ATP2A3: variants seen among roughly 807,000 people sequenced by gnomAD.
The protein encoded by ATP2A3 is sarcoplasmic/endoplasmic reticulum calcium ATPase 3.
A neutral mutation model predicts 106.8 loss-of-function variants in ATP2A3; 61 were observed. The observed-to-expected ratio is 0.57, with a 90% CI of 0.46 to 0.71. The LOEUF (loss-of-function observed/expected upper bound fraction) is 0.71, where lower values mean the gene tolerates loss of function less well. ATP2A3 is among the 30% of genes least tolerant of loss of function. The pLI, the probability that ATP2A3 is intolerant of heterozygous loss-of-function variation, is 0.00. For synonymous variants in ATP2A3, 611 were observed against 609.3 expected, an observed-to-expected ratio of 1.00 and a Z score of -0.04; for missense variants, 1,201 against 1,423.5, an observed-to-expected ratio of 0.84 and a Z score of 2.52.
At chr17:3,957,851 G>T (rs1325216213) in intron 1 of ATP2A3, among the ~76,000 whole-genome samples, 1 of 152,212 alleles carries the variant, frequency 6.6e-6, no homozygotes, top group Non-Finnish European at 1.5e-5. Context: ...AGTGCCATCC[G>T]CTGGGCTGCA....
In ATP2A3 at chr17:3,924,336, T is replaced by C. The variant is rs899638473; in HGVS notation, c.*1086A>G. ...GAGGCCATCTTCCTCTCATCTGATA[T>C]GACGTGTTCCTCCAGCAGGGAGGGA... On this transcript the variant is annotated 3_prime_UTR_variant, in exon 21 of 21. Coordinates refer to ENST00000397041, the MANE Select transcript of ATP2A3 (RefSeq NM_005173.4). This position sits in a 1 kb window ranked among gnomAD's most constrained non-coding sequence, Gnocchi z 6.4. 8 of 168,338 alleles carry C rather than the reference T, an allele frequency of 4.8e-5. No homozygotes were observed. Among genetic ancestry groups the C allele is most frequent in the African/African-American group, 7.2e-5 (3 of 41,726 alleles). The allele number at this position is 168,338 out of a possible 1,614,324, so 10.4% of individuals were successfully genotyped here.
Position 3,964,181 on chromosome 17 carries a change from G to T in ATP2A3, c.111C>A (p.Gly37=). Residue 37 remains glycine, a synonymous_variant, in exon 1 of 21, where the codon GGC becomes GGA. Transcript: ENST00000397041. ...CCCGGCCCGCGCGCTCACCGTTGGG[G>T]CCGTAGCGCTCCCGCGCGCCGGTCA... ...AQVTGARERY[G]PNELPSEEGK... is the part of the protein sequence containing the mutation. 1 of 1,230,352 alleles carries T rather than the reference G, an allele frequency of 8.1e-7. No individual in the cohort carries two copies. Among genetic ancestry groups the T allele is most frequent in the South Asian group, 2.1e-5 (1 of 48,476 alleles). The allele number at this position is 1,230,352 out of a possible 1,614,324, so 76.2% of individuals were successfully genotyped here. A position where few individuals can be genotyped will look rare whatever the true frequency, so the allele number is the denominator to read the frequency against.
chr17:3,945,204 C>T, intron 8 of ATP2A3, 56 bp from the exon 9 acceptor site: 1 of 1,506,750 alleles, frequency 6.6e-7, no homozygotes, highest in South Asian at 1.2e-5. Context: ...CCTCCCCGGG[C>T]GGCCAGTCGA....
Position 3,928,470 on chromosome 17 carries a change from G to T in ATP2A3, c.2980+193C>A. 1 of 990,656 alleles carries T rather than the reference G, an allele frequency of 1.0e-6. No homozygotes were observed. Among genetic ancestry groups the T allele is most frequent in the Non-Finnish European group, 1.5e-6 (1 of 646,876 alleles). The allele number at this position is 990,656 out of a possible 1,614,324, so 61.4% of individuals were successfully genotyped here. A position where few individuals can be genotyped will look rare whatever the true frequency, so the allele number is the denominator to read the frequency against. ...GCCCAGTGAGCCCAGGTCCCCTGCA[G>T]TGCAAGACCCTGCGGACACCTTGGG... On this transcript the variant is annotated intron_variant, in intron 20 of 20. Coordinates refer to ENST00000397041, the MANE Select transcript of ATP2A3 (RefSeq NM_005173.4). This position sits in a 1 kb window ranked among gnomAD's most constrained non-coding sequence, Gnocchi z 6.1.
chr17:3,958,701 C>CAT (rs147879049), intron 1 of ATP2A3, among the ~76,000 whole-genome samples: 10,266 of 122,592 alleles, frequency 0.084, 1,053 homozygotes, highest in Middle Eastern at 0.13. Context: ...CCTCCTCATT[C>CAT]ATATATATAT....
intron 4 of ATP2A3, 36 bp downstream of exon 4, chr17:3,951,545 C>A (rs956985221): frequency 5.9e-6 from 8 of 1,351,060 alleles, no homozygotes; most frequent in South Asian, 1.3e-5. Flanking sequence ...GCTGGGAGAC[C>A]GCCCCCCGCC....
At chr17:3,958,345 C>T (rs1344762253) in intron 1 of ATP2A3, among the ~76,000 whole-genome samples, 3 of 152,162 alleles carry the variant, frequency 2.0e-5, no homozygotes, top group East Asian at 1.9e-4. Flanking sequence ...TTAAGCGCAG[C>T]GTCTCCAGCA....
Position 3,958,759 on chromosome 17 carries a change from C to G in ATP2A3, c.119-5049G>C, listed in dbSNP as rs139417564. On this transcript the variant is annotated intron_variant, in intron 1 of 20. Coordinates refer to ENST00000397041, the MANE Select transcript of ATP2A3 (RefSeq NM_005173.4). The stretch of plus-strand genomic sequence containing the variant: ...ATATATATAGACACACATATATATA[C>G]ACACACATATATATACACACACATA... Among the ~76,000 whole-genome samples, 205 of 95,878 alleles carry G rather than the reference C, an allele frequency of 2.1e-3. 18 individuals are homozygous for G. Among genetic ancestry groups the G allele is most frequent in the African/African-American group, 6.0e-3 (146 of 24,316 alleles). 62.9% of individuals were successfully genotyped at this position (95,878 alleles called of 152,430 possible). A position where few individuals can be genotyped will look rare whatever the true frequency, so the allele number is the denominator to read the frequency against.
chr17:3,954,830 AC>A (rs1230609211), intron 1 of ATP2A3, among the ~76,000 whole-genome samples: 1 of 152,016 alleles, frequency 6.6e-6, no homozygotes, highest in Non-Finnish European at 1.5e-5. Flanking sequence ...TTCCCGAAGC[AC>A]CTTTTGTATC....
chr17:3,928,366 C>G lies in ATP2A3; in HGVS notation c.2980+297G>C. Reference sequence around the variant, plus strand: ...GGTCAGAGGCTGAGGCCCAGAAGAGCACACAGTGCCCTGGCCATGTAGGGG... The same window carrying G: ...GGTCAGAGGCTGAGGCCCAGAAGAGGACACAGTGCCCTGGCCATGTAGGGG... On this transcript the variant is annotated intron_variant, in intron 20 of 20. Coordinates refer to ENST00000397041, the MANE Select transcript of ATP2A3 (RefSeq NM_005173.4). The surrounding 1 kb of genome is among the most constrained non-coding windows in gnomAD (Gnocchi z 6.1). The G allele has an allele frequency of 6.3e-7, 1 of 1,578,656 alleles. No homozygotes were observed. The highest frequency in any genetic ancestry group is 1.3e-5 in the African/African-American group (1 of 74,236).
Position 3,947,839 on chromosome 17 carries a change from G to A in ATP2A3, c.647C>T (p.Ser216Leu), listed in dbSNP as rs773191587. Residue 216 changes from serine (S) to leucine (L), a missense_variant, in exon 8 of 21, where the codon TCG becomes TTG. Ser to Leu is a moderately radical substitution (Grantham distance 145). Coordinates refer to ENST00000397041, the MANE Select transcript of ATP2A3 (RefSeq NM_005173.4). The surrounding 1 kb of genome is among the most constrained non-coding windows in gnomAD (Gnocchi z 7.7). ...NMLFSGTNIT[S>L]GKAVGVAVAT... is the part of the protein sequence containing the mutation. Reference sequence around the variant, plus strand: ...CACGGCCACACCCACCGCTTTGCCCGATGTGATATTGGTGCCCTGGCCAGG... The same window carrying A: ...CACGGCCACACCCACCGCTTTGCCCAATGTGATATTGGTGCCCTGGCCAGG... The A allele has an allele frequency of 6.3e-6, 10 of 1,598,634 alleles. No individual in the cohort carries two copies. Among genetic ancestry groups the A allele is most frequent in the East Asian group, 4.5e-5 (2 of 44,892 alleles).
chr17:3,926,731 A>C lies in ATP2A3; in HGVS notation c.2981-1290T>G. 2.3e-6 allele frequency: 1 copy of C among 439,470 alleles called. No homozygotes were observed. Among genetic ancestry groups the C allele is most frequent in the Non-Finnish European group, 3.0e-6 (1 of 331,122 alleles). The allele number at this position is 439,470 out of a possible 1,614,324, so 27.2% of individuals were successfully genotyped here. On this transcript the variant is annotated intron_variant, in intron 20 of 20. Transcript: ENST00000397041. The surrounding 1 kb of genome is among the most constrained non-coding windows in gnomAD (Gnocchi z 4.6). ...ATTATAGGCACCTGCCACCACGCCC[A>C]GCTAATTTTTGTATCTTTAGTAGAG...
intron 14 of ATP2A3, among the ~76,000 whole-genome samples, chr17:3,940,349 G>A (rs1486464997): frequency 6.6e-6 from 1 of 152,084 alleles, no homozygotes; most frequent in South Asian, 2.1e-4. Context: ...GAAGTATGCC[G>A]ATGTCTGCAA....
Position 3,928,702 on chromosome 17 carries a change from C to A in ATP2A3, c.2941G>T (p.Asp981Tyr), listed in dbSNP as rs1294545566. Reference protein sequence around the residue: ...LQISLPVILLDEALKYLSRNH... With the variant: ...LQISLPVILLYEALKYLSRNH... ...CGGGACAGGTACTTGAGGGCCTCAT[C>A]CAGCAGGATGACAGGCAGAGATATC... is the stretch of plus-strand genomic sequence containing the variant. Residue 981 changes from aspartate (D) to tyrosine (Y), a missense_variant, in exon 20 of 21, where the codon GAT becomes TAT. This residue lies in a region of ATP2A3 where 935 missense variants were observed against 1,176.7 expected (regional missense o/e 0.79). Transcript: ENST00000397041. This position sits in a 1 kb window ranked among gnomAD's most constrained non-coding sequence, Gnocchi z 6.1. 6.4e-7 allele frequency: 1 copy of A among 1,551,300 alleles called. No homozygotes were observed. Among genetic ancestry groups the A allele is most frequent in the Non-Finnish European group, 8.7e-7 (1 of 1,147,154 alleles).
At position 3,953,214 on chromosome 17, in the gene ATP2A3, C is replaced by T. The variant is rs1475303633; in HGVS notation, c.219+133G>A. 5.8e-6 allele frequency: 6 copies of T among 1,028,262 alleles called. No homozygotes were observed. Among genetic ancestry groups the T allele is most frequent in the African/African-American group, 3.2e-5 (2 of 63,392 alleles). The allele number at this position is 1,028,262 out of a possible 1,614,324, so 63.7% of individuals were successfully genotyped here. Reference sequence around the variant, plus strand: ...AAGCTGAAGTCTGAGCAGGGCAGGGCCAGGGAAGGCCAGGGCGCAGGCCCA... The same window carrying T: ...AAGCTGAAGTCTGAGCAGGGCAGGGTCAGGGAAGGCCAGGGCGCAGGCCCA... On this transcript the variant is annotated intron_variant, in intron 3 of 20. Coordinates refer to ENST00000397041, the MANE Select transcript of ATP2A3 (RefSeq NM_005173.4). The surrounding 1 kb of genome is among the most constrained non-coding windows in gnomAD (Gnocchi z 5.1).
Position 3,928,446 on chromosome 17 carries a change from C to T in ATP2A3, c.2980+217G>A. On this transcript the variant is annotated intron_variant, in intron 20 of 20. Transcript: ENST00000397041. This position sits in a 1 kb window ranked among gnomAD's most constrained non-coding sequence, Gnocchi z 6.1. ...GCCCAAGAGGTGCTCCCGTTGCTGG[C>T]CCAGTGAGCCCAGGTCCCCTGCAGT... 9.3e-7 allele frequency: 1 copy of T among 1,077,546 alleles called. No homozygotes were observed. The highest frequency in any genetic ancestry group is 1.4e-6 in the Non-Finnish European group (1 of 724,600). 66.7% of individuals were successfully genotyped at this position (1,077,546 alleles called of 1,614,324 possible). A position where few individuals can be genotyped will look rare whatever the true frequency, so the allele number is the denominator to read the frequency against.
chr17:3,951,480 G>A, intron 4 of ATP2A3, 91 bp from the exon 5 acceptor site: 7 of 1,599,350 alleles, frequency 4.4e-6, no homozygotes, highest in South Asian at 1.1e-5. Context: ...TGGGATGGAG[G>A]TGGAAGCAGG....
Position 3,936,579 on chromosome 17 carries a change from C to A in ATP2A3, c.2322-110G>T. On this transcript the variant is annotated intron_variant, in intron 15 of 20. Transcript: ENST00000397041. The surrounding 1 kb of genome is among the most constrained non-coding windows in gnomAD (Gnocchi z 5.4). ...GGAGCTCACCCACCCACTGTCTCCACAGCAGCCCCTCCTCCCTCCGCCAGC... is the reference window on the plus strand; with the variant it reads ...GGAGCTCACCCACCCACTGTCTCCAAAGCAGCCCCTCCTCCCTCCGCCAGC... 1 of 1,175,062 alleles carries A rather than the reference C, an allele frequency of 8.5e-7. No individual in the cohort carries two copies. The highest frequency in any genetic ancestry group is 1.3e-6 in the Non-Finnish European group (1 of 795,426). 72.8% of individuals were successfully genotyped at this position (1,175,062 alleles called of 1,614,324 possible).
At position 3,924,504 on chromosome 17, in the gene ATP2A3, C is replaced by T. The variant is rs572174095; in HGVS notation, c.*918G>A. The T allele has an allele frequency of 8.2e-5, 26 of 316,870 alleles. No homozygotes were observed. In the East Asian group the frequency reaches 8.9e-4, roughly 11 times the overall value. The allele number at this position is 316,870 out of a possible 1,614,324, so 19.6% of individuals were successfully genotyped here. Reference sequence around the variant, plus strand: ...GAGGCCCCCAGCTGTGCAGACAGCGCGGCGGCCGCACACTGGGCTGGGTAG... The same window carrying T: ...GAGGCCCCCAGCTGTGCAGACAGCGTGGCGGCCGCACACTGGGCTGGGTAG... On this transcript the variant is annotated 3_prime_UTR_variant, in exon 21 of 21. Coordinates refer to ENST00000397041, the MANE Select transcript of ATP2A3 (RefSeq NM_005173.4). The surrounding 1 kb of genome is among the most constrained non-coding windows in gnomAD (Gnocchi z 6.4).
Sources: gnomAD v4.1 joint callset for allele counts (sites outside exome capture counted in the v4.1 genomes callset) on GRCh38, gnomAD v4.1.1 for gene constraint, gnomAD v4.1.1 regional missense constraint, Gnocchi (gnomAD v3.1) non-coding constraint, MANE v1.5 for transcripts, NCBI Gene and HGNC (gene_info 2026-07-23, HGNC 2026-07-21) for gene names.